Variants in CCAR1 observed in about 807,000 individuals in gnomAD.
CCAR1 encodes the protein cell division cycle and apoptosis regulator 1.
CCAR1 carries 78 observed loss-of-function variants against 163.8 expected under a neutral mutation model. That is an observed-to-expected ratio of 0.48 (90% CI 0.40 to 0.57). The LOEUF (loss-of-function observed/expected upper bound fraction) is 0.57, where lower values mean the gene tolerates loss of function less well. Among genes scored for constraint, CCAR1 ranks in the 20% least tolerant of loss-of-function variants. CCAR1 has a pLI of 0.00. For missense variants in CCAR1, 1,019 were observed against 1,365.2 expected (o/e 0.75, Z 4.00); for synonymous variants, 443 against 460.7 (o/e 0.96, Z 0.49).
chr10:68,768,889 A>C (rs914132482), intron 17 of CCAR1, among the ~76,000 whole-genome samples: 1 of 152,238 alleles, frequency 6.6e-6, no homozygotes, highest in African/African-American at 2.4e-5. Context: ...TATCCTTTAT[A>C]ATCAGAAAAT....
chr10:68,765,834 G>A (rs1149688), intron 16 of CCAR1, 54 bp from the exon 17 acceptor site: 872,685 of 1,228,002 alleles, frequency 0.71, 313,032 homozygotes, highest in Non-Finnish European at 0.73. Context: ...TCTTGCACAT[G>A]TATATACATC....
intron 19 of CCAR1, among the ~76,000 whole-genome samples, chr10:68,784,491 G>A (rs2056773180): frequency 6.6e-6 from 1 of 152,248 alleles, no homozygotes; most frequent in African/African-American, 2.4e-5. Flanking sequence ...AGGATTACAG[G>A]CGTGACCCAC....
chr10:68,789,067 G>A (rs368292564), intron 23 of CCAR1, among the ~76,000 whole-genome samples: 1 of 151,506 alleles, frequency 6.6e-6, no homozygotes, highest in South Asian at 2.1e-4. Flanking sequence ...GTGTCACCAC[G>A]CCTGGCTAAT....
intron 18 of CCAR1, among the ~76,000 whole-genome samples, chr10:68,771,750 T>TG (rs2056605141): frequency 6.6e-6 from 1 of 151,842 alleles, no homozygotes; most frequent in African/African-American, 2.4e-5. Flanking sequence ...ACCACTGCAC[T>TG]CCAGCCTGGG....
At chr10:68,723,091 T>TG (rs1194337511) in intron 2 of CCAR1, among the ~76,000 whole-genome samples, 1 of 151,770 alleles carries the variant, frequency 6.6e-6, no homozygotes, top group Non-Finnish European at 1.5e-5. Context: ...TAGTTTTTTT[T>TG]TTCCCCAAAC....
In CCAR1 at chr10:68,731,591, GTTT is replaced by G. The variant is rs67032408; in HGVS notation, c.74-5263_74-5261del. Among the ~76,000 whole-genome samples the G allele has an allele frequency of 4.7e-3, 352 of 75,650 alleles. 2 individuals are homozygous for G. The highest frequency in any genetic ancestry group is 0.015 in the African/African-American group (282 of 18,622). The allele number at this position is 75,650 out of a possible 152,430, so 49.6% of individuals were successfully genotyped here. On this transcript the variant is annotated intron_variant, in intron 2 of 24. Transcript: ENST00000265872. ...TTACCTATTAAATTGTCTTGTTTCT[GTTT>G]TTTTTTTTTTTTTTTTTTTTTGGTA...
chr10:68,771,673 T>C (rs566834824), intron 18 of CCAR1, among the ~76,000 whole-genome samples: 38 of 151,930 alleles, frequency 2.5e-4, no homozygotes, highest in African/African-American at 8.7e-4. Context: ...GTCCTAGCTA[T>C]TGGGGAGGCA....
At position 68,756,134 on chromosome 10, in the gene CCAR1, C is replaced by A; in HGVS notation, c.1626-139C>A. 1.6e-6 allele frequency: 1 copy of A among 616,340 alleles called. No individual in the cohort carries two copies. 38.2% of individuals were successfully genotyped at this position (616,340 alleles called of 1,614,324 possible). A position where few individuals can be genotyped will look rare whatever the true frequency, so the allele number is the denominator to read the frequency against. On this transcript the variant is annotated intron_variant, in intron 13 of 24. Coordinates refer to ENST00000265872, the MANE Select transcript of CCAR1 (RefSeq NM_018237.4). This position sits in a 1 kb window ranked among gnomAD's most constrained non-coding sequence, Gnocchi z 5.1. ...AAATGTACCAAAAGAGGAACTATGG[C>A]TTCTATAATTTTTTTTTCTTTAGAC...
intron 15 of CCAR1, among the ~76,000 whole-genome samples, chr10:68,757,930 A>G (rs1336480974): frequency 6.6e-6 from 1 of 151,874 alleles, no homozygotes; most frequent in Non-Finnish European, 1.5e-5. Flanking sequence ...TTTAGTAGAG[A>G]TCGGGTTTCA....
At position 68,789,702 on chromosome 10, in the gene CCAR1, T is replaced by G. The variant is rs753012049; in HGVS notation, c.3188-8T>G. ...GTAAAATGTTAATTTTTGGATTTTT[T>G]TAAACAGATGAAGATGAAAAAACCA... is the stretch of plus-strand genomic sequence containing the variant. On this transcript the variant is annotated splice_polypyrimidine_tract_variant and splice_region_variant and intron_variant, in intron 23 of 24. Transcript: ENST00000265872. The G allele has an allele frequency of 6.6e-7, 1 of 1,521,346 alleles. No homozygotes were observed. Among genetic ancestry groups the G allele is most frequent in the Non-Finnish European group, 8.9e-7 (1 of 1,129,544 alleles). The allele number at this position is 1,521,346 out of a possible 1,614,324, so 94.2% of individuals were successfully genotyped here.
At chr10:68,732,047 C>T (rs2056046870) in intron 2 of CCAR1, among the ~76,000 whole-genome samples, 1 of 152,114 alleles carries the variant, frequency 6.6e-6, no homozygotes, top group South Asian at 2.1e-4. Context: ...GGACATTCTG[C>T]GATTTTGGCT....
intron 1 of CCAR1, chr10:68,721,654 G>A (rs1367896988): frequency 2.3e-6 from 1 of 428,296 alleles, no homozygotes; most frequent in Non-Finnish European, 4.7e-6. Flanking sequence ...GGGGAATAGA[G>A]GCTTTCTCCG....
chr10:68,736,766 G>T, intron 2 of CCAR1, 110 bp from the exon 3 acceptor site: 1 of 845,822 alleles, frequency 1.2e-6, no homozygotes. Context: ...ATTGTGAATA[G>T]TGCTGGAGTG....
At chr10:68,751,837 C>G (rs1005280972) in intron 10 of CCAR1, among the ~76,000 whole-genome samples, 34 of 151,564 alleles carry the variant, frequency 2.2e-4, no homozygotes, top group African/African-American at 8.0e-4. Flanking sequence ...GCACTCCAGC[C>G]TGGGAGACAG....
chr10:68,727,573 A>G (rs1200337157), intron 2 of CCAR1, among the ~76,000 whole-genome samples: 1 of 152,018 alleles, frequency 6.6e-6, no homozygotes, highest in Non-Finnish European at 1.5e-5. Flanking sequence ...TCAAGGTCTT[A>G]TTTTTGTGGC....
intron 24 of CCAR1, among the ~76,000 whole-genome samples, chr10:68,790,951 G>T (rs1394243715): frequency 1.3e-5 from 2 of 150,316 alleles, no homozygotes; most frequent in Admixed American, 6.7e-5. Context: ...ACCTATCTTG[G>T]CCTCTCAGAG....
intron 23 of CCAR1, 107 bp from the exon 24 acceptor site, chr10:68,789,593 TTGCCATTTTA>T: frequency 1.6e-6 from 1 of 635,516 alleles, no homozygotes; most frequent in Non-Finnish European, 2.7e-6. Flanking sequence ...TTGACAGACA[TTGCCATTTTA>T]TGGAATTCTA....
In CCAR1 at chr10:68,738,013, G is replaced by A. The variant is rs981810116; in HGVS notation, c.291+124G>A. ...ATGTGATACAAATTTTTTGGGAGGG[G>A]CTAGAGTAAATAGGTAGGAAAAAAG... On this transcript the variant is annotated intron_variant, in intron 4 of 24. Transcript: ENST00000265872. The A allele has an allele frequency of 1.4e-5, 9 of 633,108 alleles. No individual in the cohort carries two copies. In the South Asian group the frequency reaches 1.9e-4, roughly 14 times the overall value. The allele number at this position is 633,108 out of a possible 1,614,324, so 39.2% of individuals were successfully genotyped here.
rs1245793860 is a variant in CCAR1 at position 68,775,986 on chromosome 10, C to T, written c.2650+2887C>T. ...CTGGAGTTATAGACATGGGCCACTG[C>T]GCCCAGCCTAATTTTTGTATTTTTA... On this transcript the variant is annotated intron_variant, in intron 19 of 24. Coordinates refer to ENST00000265872, the MANE Select transcript of CCAR1 (RefSeq NM_018237.4). Among the ~76,000 whole-genome samples, 4 of 151,608 alleles carry T rather than the reference C, an allele frequency of 2.6e-5. No individual in the cohort carries two copies. The East Asian group carries it at 7.9e-4, about 30-fold the overall frequency.
Sources: gnomAD v4.1 joint callset for allele counts (sites outside exome capture counted in the v4.1 genomes callset) on GRCh38, gnomAD v4.1.1 for gene constraint, Gnocchi (gnomAD v3.1) non-coding constraint, MANE v1.5 for transcripts, NCBI Gene and HGNC (gene_info 2026-07-23, HGNC 2026-07-21) for gene names.